The following RUNX2 variants were observed in gnomAD, a reference collection of about 807,000 sequenced individuals.
RUNX2 encodes runt-related transcription factor 2.
In RUNX2, 10 loss-of-function variants were observed where a neutral mutation model predicts 51.7. The observed-to-expected ratio is 0.19, with a 90% CI of 0.12 to 0.33. The LOEUF is 0.33. RUNX2 is among the 10% of genes least tolerant of loss of function. RUNX2 has a pLI of 1.00. For synonymous variants in RUNX2, 276 were observed against 273.6 expected (o/e 1.01, Z -0.09); for missense variants, 562 against 691.3 (o/e 0.81, Z 2.10).
In RUNX2 at chr6:45,549,659, TTTAA is replaced by T. The variant is rs1802505745; in HGVS notation, c.*2361_*2364del. 1 of 319,690 alleles carries T rather than the reference TTTAA, an allele frequency of 3.1e-6. No individual in the cohort carries two copies. Among genetic ancestry groups the T allele is most frequent in the Admixed American group, 4.9e-5 (1 of 20,268 alleles). 19.8% of individuals were successfully genotyped at this position (319,690 alleles called of 1,614,324 possible). ...CCAGTGTCTGGTTACACATTTCAAT[TTTAA>T]TTAATTGACATAAAAATGCTACCGC... On this transcript the variant is annotated 3_prime_UTR_variant, in exon 9 of 9. Coordinates refer to ENST00000647337, the MANE Select transcript of RUNX2 (RefSeq NM_001024630.4).
chr6:45,430,829 G>A (rs1413006078), intron 3 of RUNX2, among the ~76,000 whole-genome samples: 1 of 152,138 alleles, frequency 6.6e-6, no homozygotes, highest in Non-Finnish European at 1.5e-5. Flanking sequence ...AGGAAGACAT[G>A]GAAATAATCT....
chr6:45,413,742 T>C (rs1367566343), intron 2 of RUNX2, among the ~76,000 whole-genome samples: 1 of 152,158 alleles, frequency 6.6e-6, no homozygotes, highest in African/African-American at 2.4e-5. Context: ...AAAGATACAT[T>C]CTTTTGTGGA....
intron 2 of RUNX2, among the ~76,000 whole-genome samples, chr6:45,388,836 AT>A (rs1797414335): frequency 6.6e-6 from 1 of 152,164 alleles, no homozygotes; most frequent in African/African-American, 2.4e-5. Context: ...TATAAAAAAA[AT>A]CTTGCTTCTC....
chr6:45,410,004 C>G (rs1453707861), intron 2 of RUNX2, among the ~76,000 whole-genome samples: 1 of 152,140 alleles, frequency 6.6e-6, no homozygotes, highest in African/African-American at 2.4e-5. Flanking sequence ...CAAGAGATAT[C>G]AGGAAATGTG....
intron 7 of RUNX2, among the ~76,000 whole-genome samples, chr6:45,528,343 A>T (rs1382310474): frequency 1.3e-5 from 2 of 152,162 alleles, no homozygotes; most frequent in African/African-American, 2.4e-5. Flanking sequence ...ACTTTAGGTC[A>T]GGCGCGGTGG....
chr6:45,386,358 C>T (rs538526711), intron 2 of RUNX2, among the ~76,000 whole-genome samples: 74 of 152,298 alleles, frequency 4.9e-4, no homozygotes, highest in Admixed American at 3.4e-3. Context: ...TGAGCCACTG[C>T]GCCCGTCCTA....
intron 2 of RUNX2, among the ~76,000 whole-genome samples, chr6:45,400,839 G>A (rs764543824): frequency 9.9e-5 from 15 of 152,020 alleles, no homozygotes; most frequent in Non-Finnish European, 1.6e-4. Context: ...AATATAATAC[G>A]TTCCTATTTT....
chr6:45,496,223 A>T (rs899926586), intron 6 of RUNX2, among the ~76,000 whole-genome samples: 2 of 152,182 alleles, frequency 1.3e-5, no homozygotes, highest in South Asian at 4.1e-4. Context: ...CACCTAAAAA[A>T]TAATGCTGAT....
At chr6:45,544,122 G>T (rs1802317329) in intron 7 of RUNX2, among the ~76,000 whole-genome samples, 1 of 151,764 alleles carries the variant, frequency 6.6e-6, no homozygotes, top group Non-Finnish European at 1.5e-5. Context: ...GTCAACATTA[G>T]CGCTCTTTAT....
chr6:45,531,130 G>A (rs1398198965), intron 7 of RUNX2, among the ~76,000 whole-genome samples: 9 of 152,168 alleles, frequency 5.9e-5, no homozygotes, highest in Non-Finnish European at 1.2e-4. Flanking sequence ...TCAATTCCAG[G>A]TCTTTTAGCT....
At chr6:45,463,118 T>C (rs181549101) in intron 5 of RUNX2, among the ~76,000 whole-genome samples, 8 of 152,324 alleles carry the variant, frequency 5.3e-5, no homozygotes, top group African/African-American at 1.9e-4. Flanking sequence ...TCAATGACTT[T>C]TAAAAAGAAG....
intron 7 of RUNX2, among the ~76,000 whole-genome samples, chr6:45,532,976 G>A (rs1801909842): frequency 6.7e-6 from 1 of 148,558 alleles, no homozygotes; most frequent in Non-Finnish European, 1.5e-5. Flanking sequence ...TACATAATTA[G>A]GTGTGTCTGT....
At chr6:45,344,958 C>G (rs1790551634) in intron 2 of RUNX2, among the ~76,000 whole-genome samples, 1 of 152,102 alleles carries the variant, frequency 6.6e-6, no homozygotes, top group Non-Finnish European at 1.5e-5. Flanking sequence ...TGAAGCCAAG[C>G]TTCATTCTGG....
intron 5 of RUNX2, among the ~76,000 whole-genome samples, chr6:45,459,728 A>C (rs999765144): frequency 6.6e-6 from 1 of 152,222 alleles, no homozygotes; most frequent in Non-Finnish European, 1.5e-5. Flanking sequence ...AATATATATA[A>C]TATGCAAATA....
Position 45,384,269 on chromosome 6 carries a change from G to GT in RUNX2, c.59-38316dup, listed in dbSNP as rs199628760. Among the ~76,000 whole-genome samples, 29 of 151,196 alleles carry GT rather than the reference G, an allele frequency of 1.9e-4. No homozygotes were observed. In the East Asian group the frequency reaches 2.5e-3, roughly 13 times the overall value. ...TCCAGGGGTGGGGGGAGTGGTTGGG[G>GT]TTTTTTTTGTTTGTTTGTTTGTTTC... On this transcript the variant is annotated intron_variant, in intron 2 of 8. Coordinates refer to ENST00000647337, the MANE Select transcript of RUNX2 (RefSeq NM_001024630.4).
chr6:45,495,700 T>C (rs530073906), intron 6 of RUNX2, among the ~76,000 whole-genome samples: 28 of 152,166 alleles, frequency 1.8e-4, no homozygotes, highest in Non-Finnish European at 3.5e-4. Context: ...GTTCTCCCAC[T>C]TGCCAACATA....
intron 5 of RUNX2, among the ~76,000 whole-genome samples, chr6:45,439,572 T>C (rs560452630): frequency 1.3e-5 from 2 of 152,320 alleles, no homozygotes; most frequent in South Asian, 2.1e-4. Flanking sequence ...GTTTTTAAAA[T>C]GTAGCACCGC....
intron 7 of RUNX2, among the ~76,000 whole-genome samples, chr6:45,523,074 T>C (rs1020673315): frequency 6.6e-6 from 1 of 152,178 alleles, no homozygotes; most frequent in Non-Finnish European, 1.5e-5. Context: ...ATATAAATAG[T>C]CTTGACAGGT....
At chr6:45,437,864 C>A in intron 4 of RUNX2, 83 bp from the exon 5 acceptor site, 2 of 1,010,916 alleles carry the variant, frequency 2.0e-6, no homozygotes, top group South Asian at 1.3e-5. Context: ...TGCTTAAATG[C>A]AATTTGGAAA....
Sources: allele counts gnomAD v4.1 joint callset (sites outside exome capture counted in the v4.1 genomes callset), GRCh38; gene constraint gnomAD v4.1.1; transcripts MANE v1.5; gene names NCBI Gene and HGNC (gene_info 2026-07-23, HGNC 2026-07-21).